Variants in STAM2 observed in about 807,000 individuals in gnomAD.
STAM2 encodes the protein signal transducing adapter molecule 2.
STAM2 carries 51 observed loss-of-function variants against 65.6 expected under a neutral mutation model. The observed-to-expected ratio is 0.78, with a 90% CI of 0.62 to 0.98. The LOEUF is 0.98. STAM2 is among the 50% of genes least tolerant of loss of function. The probability of loss-of-function intolerance (pLI) is 0.00; values close to 1 mark genes in which losing one functional copy is unlikely to be tolerated. For synonymous variants in STAM2, 198 were observed against 208.4 expected (o/e 0.95, Z 0.43); for missense variants, 584 against 617.8 (o/e 0.95, Z 0.58).
intron 7 of STAM2, among the ~76,000 whole-genome samples, chr2:152,142,358 TTTG>T (rs779357116): frequency 6.6e-5 from 10 of 152,206 alleles, no homozygotes; most frequent in African/African-American, 1.2e-4. Flanking sequence ...AACCACTCAT[TTTG>T]TTTTTATTTT....
chr2:152,145,913 T>A (rs1473248038), intron 5 of STAM2, among the ~76,000 whole-genome samples: 1 of 152,210 alleles, frequency 6.6e-6, no homozygotes, highest in African/African-American at 2.4e-5. Context: ...GTTTCCTTTT[T>A]ATTACTTATA....
chr2:152,122,080 G>A (rs199956094), intron 13 of STAM2, among the ~76,000 whole-genome samples: 1 of 99,252 alleles, frequency 1.0e-5, no homozygotes, highest in Non-Finnish European at 2.3e-5. Flanking sequence ...ATATATATGT[G>A]TGTGTGTGTG....
At chr2:152,126,468 C>A (rs1688965636) in intron 11 of STAM2, 89 bp from the exon 12 acceptor site, 6 of 805,484 alleles carry the variant, frequency 7.4e-6, no homozygotes, top group Non-Finnish European at 1.7e-6. Flanking sequence ...AGCACAATTT[C>A]TATTAATATA....
At chr2:152,121,651 GTTTC>G (rs1308928956) in intron 13 of STAM2, among the ~76,000 whole-genome samples, 2 of 152,138 alleles carry the variant, frequency 1.3e-5, no homozygotes, top group Middle Eastern at 3.2e-3. Flanking sequence ...CGAAACTATA[GTTTC>G]TTTATTGACA....
At chr2:152,150,050 G>T in intron 2 of STAM2, 95 bp downstream of exon 2, 2 of 829,232 alleles carry the variant, frequency 2.4e-6, no homozygotes, top group South Asian at 1.6e-5. Context: ...GGTCAACTGT[G>T]ATAAAGTCTC....
intron 7 of STAM2, among the ~76,000 whole-genome samples, chr2:152,138,378 TTAC>T (rs1481143313): frequency 1.3e-5 from 2 of 152,162 alleles, no homozygotes; most frequent in Admixed American, 1.3e-4. Flanking sequence ...TGACTTTTTT[TTAC>T]TACATTTTCT....
In STAM2 at chr2:152,148,241, G is replaced by A. The variant is rs529539612; in HGVS notation, c.185C>T (p.Ala62Val). Residue 62 changes from alanine (A) to valine (V), a missense_variant, in exon 3 of 14, where the codon GCT (alanine) becomes GTT (valine). Coordinates refer to ENST00000263904, the MANE Select transcript of STAM2 (RefSeq NM_005843.6). ...TGTACTCACAGTTAGTGCTTGCAGAGCAACATGTGGAACCTTATGATTTAC... is the reference window on the plus strand; with the variant it reads ...TGTACTCACAGTTAGTGCTTGCAGAACAACATGTGGAACCTTATGATTTAC... The part of the protein sequence containing the change: ...KRVNHKVPHV[A>V]LQALTLLGAC... 28 of 1,610,598 alleles carry A rather than the reference G, an allele frequency of 1.7e-5. No individual in the cohort carries two copies. Among genetic ancestry groups the A allele is most frequent in the Admixed American group, 3.4e-5 (2 of 59,626 alleles).
intron 7 of STAM2, among the ~76,000 whole-genome samples, chr2:152,140,673 T>C (rs1300427068): frequency 6.6e-6 from 1 of 152,250 alleles, no homozygotes; most frequent in Non-Finnish European, 1.5e-5. Context: ...TTGCAAACTG[T>C]CCTTGAAAGT....
chr2:152,161,224 G>A (rs1689668538), intron 1 of STAM2, among the ~76,000 whole-genome samples: 1 of 151,472 alleles, frequency 6.6e-6, no homozygotes, highest in Non-Finnish European at 1.5e-5. Flanking sequence ...TCTGAAACAT[G>A]TGCTGTGTCC....
intron 11 of STAM2, among the ~76,000 whole-genome samples, chr2:152,128,693 A>G (rs886316489): frequency 6.6e-6 from 1 of 152,220 alleles, no homozygotes; most frequent in African/African-American, 2.4e-5. Context: ...AGATTAGAAT[A>G]GTCTGGAACA....
At position 152,119,806 on chromosome 2, in the gene STAM2, CTGTT is replaced by C. The variant is rs967234853; in HGVS notation, c.*764_*767del. ...GGACATTCCTTCACAGTTGGCATGA[CTGTT>C]TGGGGGACTGACTAAATGCTTTATC... On this transcript the variant is annotated 3_prime_UTR_variant, in exon 14 of 14. Coordinates refer to ENST00000263904, the MANE Select transcript of STAM2 (RefSeq NM_005843.6). The C allele has an allele frequency of 1.9e-4, 29 of 152,308 alleles. No individual in the cohort carries two copies. The highest frequency in any genetic ancestry group is 6.3e-4 in the African/African-American group (26 of 41,588). 9.4% of individuals were successfully genotyped at this position (152,308 alleles called of 1,614,324 possible).
At chr2:152,172,639 C>T (rs957722980) in intron 1 of STAM2, among the ~76,000 whole-genome samples, 4 of 151,904 alleles carry the variant, frequency 2.6e-5, no homozygotes, top group Admixed American at 6.6e-5. Context: ...GAGGCCGAGG[C>T]GGGCAGATCA....
At chr2:152,124,891 G>A (rs945643112) in intron 12 of STAM2, among the ~76,000 whole-genome samples, 1 of 152,142 alleles carries the variant, frequency 6.6e-6, no homozygotes, top group Non-Finnish European at 1.5e-5. Flanking sequence ...TACCCCAACT[G>A]CTTCTAGTAG....
At chr2:152,136,643 A>G (rs1689160315) in intron 7 of STAM2, among the ~76,000 whole-genome samples, 1 of 151,992 alleles carries the variant, frequency 6.6e-6, no homozygotes. Flanking sequence ...GCTAATCCAT[A>G]CAGACCTTTT....
chr2:152,129,804 T>C (rs1221263429), intron 11 of STAM2, among the ~76,000 whole-genome samples: 1 of 152,220 alleles, frequency 6.6e-6, no homozygotes, highest in Non-Finnish European at 1.5e-5. Context: ...TGAAACAAAG[T>C]AGATGTGTAA....
Position 152,126,292 on chromosome 2 carries a change from G to C in STAM2, c.1113C>G (p.Tyr371Ter), listed in dbSNP as rs760601294. 9.3e-6 allele frequency: 15 copies of C among 1,609,912 alleles called. No homozygotes were observed. Among genetic ancestry groups the C allele is most frequent in the Non-Finnish European group, 1.3e-5 (15 of 1,177,960 alleles). Residue 371 changes from tyrosine to a stop codon, truncating the protein, a stop_gained, in exon 12 of 14, where the codon TAC becomes TAG. Coordinates refer to ENST00000263904, the MANE Select transcript of STAM2 (RefSeq NM_005843.6). LOFTEE classifies it high-confidence loss of function. ...GAGGGTGGAGCTTTGAATAGACTGA[G>C]TACACTGGTGCTTCATTCACCAATT... ...YNKLVNEAPV[Y>*]SVYSKLHPPA...
At chr2:152,173,368 A>G (rs908108384) in intron 1 of STAM2, among the ~76,000 whole-genome samples, 1 of 147,422 alleles carries the variant, frequency 6.8e-6, no homozygotes, top group African/African-American at 2.5e-5. Context: ...ACACACATAT[A>G]TATACATATA....
intron 7 of STAM2, among the ~76,000 whole-genome samples, chr2:152,136,209 G>A (rs769064646): frequency 1.4e-4 from 21 of 151,930 alleles, no homozygotes; most frequent in African/African-American, 4.1e-4. Flanking sequence ...TTGGGAGGCC[G>A]AGGCGAGTGG....
intron 11 of STAM2, among the ~76,000 whole-genome samples, chr2:152,128,103 A>G (rs183364520): frequency 6.6e-6 from 1 of 152,310 alleles, no homozygotes; most frequent in East Asian, 1.9e-4. Context: ...TAAGCAGGTC[A>G]AACTCTATTA....
Sources: gnomAD v4.1 joint callset for allele counts (sites outside exome capture counted in the v4.1 genomes callset) on GRCh38, gnomAD v4.1.1 for gene constraint, MANE v1.5 for transcripts, NCBI Gene and HGNC (gene_info 2026-07-23, HGNC 2026-07-21) for gene names.